ASXL1: variants seen among roughly 807,000 people sequenced by gnomAD.
The protein encoded by ASXL1 is ASXL transcriptional regulator 1, also known as polycomb group protein ASXL1.
ASXL1 carries 65 observed loss-of-function variants against 89.1 expected under a neutral mutation model. That is an observed-to-expected ratio of 0.73 (90% CI 0.60 to 0.90). ASXL1 has a LOEUF of 0.90. ASXL1 is among the 40% of genes least tolerant of loss of function. The pLI, the probability that ASXL1 is intolerant of heterozygous loss-of-function variation, is 0.00. For missense variants in ASXL1, 1,786 were observed against 1,942.9 expected, an observed-to-expected ratio of 0.92 and a Z score of 1.52; for synonymous variants, 739 against 746.9, an observed-to-expected ratio of 0.99 and a Z score of 0.17.
chr20:32,378,480 C>T (rs1325881946), intron 4 of ASXL1, among the ~76,000 whole-genome samples: 2 of 152,144 alleles, frequency 1.3e-5, no homozygotes, highest in African/African-American at 4.8e-5. Context: ...TTTACAGATG[C>T]TTGCATCAGT....
Position 32,429,995 on chromosome 20 carries a change from G to T in ASXL1, c.660G>T (p.Gln220His). Residue 220 changes from glutamine (Q) to histidine (H), a missense_variant, in exon 8 of 13, where the codon CAG becomes CAT. Around this residue, in one of 3 missense-constraint regions of ASXL1, gnomAD observed 332 missense variants for 449.7 expected, o/e 0.74. Transcript: ENST00000375687. This position sits in a 1 kb window ranked among gnomAD's most constrained non-coding sequence, Gnocchi z 4.9. ...TGGGCAGCGCTGCTATTCGTGGCCAGGCCGAGGTCACCCAGGACCCTGCCC... is the reference window on the plus strand; with the variant it reads ...TGGGCAGCGCTGCTATTCGTGGCCATGCCGAGGTCACCCAGGACCCTGCCC... ...LALGSAAIRG[Q>H]AEVTQDPAPL... 1 of 1,608,652 alleles carries T rather than the reference G, an allele frequency of 6.2e-7. No homozygotes were observed. Among genetic ancestry groups the T allele is most frequent in the Non-Finnish European group, 8.5e-7 (1 of 1,179,946 alleles).
intron 4 of ASXL1, among the ~76,000 whole-genome samples, chr20:32,411,757 C>T (rs1600544143): frequency 1.3e-5 from 2 of 152,052 alleles, no homozygotes; most frequent in Middle Eastern, 3.4e-3. Flanking sequence ...AGGCTGGTCT[C>T]GAACTCCTGA....
rs2012076564 is a variant in ASXL1 at position 32,439,026 on chromosome 20, A to T, written c.*1688A>T. ...ATTTTATCTGAAAGGTTTTTTTCTC[A>T]TTTAATCTGATGTGGCATTTTCGTC... is the stretch of plus-strand genomic sequence containing the variant. On this transcript the variant is annotated 3_prime_UTR_variant, in exon 13 of 13. Transcript: ENST00000375687. 1 of 233,496 alleles carries T rather than the reference A, an allele frequency of 4.3e-6. No individual in the cohort carries two copies. Among genetic ancestry groups the T allele is most frequent in the African/African-American group, 2.2e-5 (1 of 45,338 alleles). The allele number at this position is 233,496 out of a possible 1,614,324, so 14.5% of individuals were successfully genotyped here.
At chr20:32,426,836 G>C (rs1406536063) in intron 4 of ASXL1, among the ~76,000 whole-genome samples, 1 of 152,012 alleles carries the variant, frequency 6.6e-6, no homozygotes, top group African/African-American at 2.4e-5. Context: ...GGGATTACAG[G>C]TGTGAGTGAG....
intron 1 of ASXL1, among the ~76,000 whole-genome samples, chr20:32,363,943 T>C (rs978877340): frequency 6.6e-5 from 10 of 152,230 alleles, no homozygotes; most frequent in African/African-American, 2.4e-4. Flanking sequence ...GGGTTCCATA[T>C]GCCAGGCCAG....
chr20:32,397,062 C>T (rs1354931026), intron 4 of ASXL1, among the ~76,000 whole-genome samples: 2 of 147,936 alleles, frequency 1.4e-5, no homozygotes, highest in African/African-American at 2.5e-5. Flanking sequence ...TTCTTTTTCC[C>T]GAGATGAAGT....
chr20:32,437,458 TTCCCCC>T lies in ASXL1; in HGVS notation c.*121_*126del. 6.8e-7 allele frequency: 1 copy of T among 1,478,698 alleles called. No individual in the cohort carries two copies. The highest frequency in any genetic ancestry group is 9.3e-7 in the Non-Finnish European group (1 of 1,070,540). The allele number at this position is 1,478,698 out of a possible 1,614,324, so 91.6% of individuals were successfully genotyped here. A position where few individuals can be genotyped will look rare whatever the true frequency, so the allele number is the denominator to read the frequency against. ...CTCTTTAGGCAGGAGCACTCTTGCC[TTCCCCC>T]AAAATTTACACTGCTAAAGCCCTCT... On this transcript the variant is annotated 3_prime_UTR_variant, in exon 13 of 13. Coordinates refer to ENST00000375687, the MANE Select transcript of ASXL1 (RefSeq NM_015338.6).
chr20:32,422,694 C>T (rs1334435652), intron 4 of ASXL1, among the ~76,000 whole-genome samples: 2 of 146,042 alleles, frequency 1.4e-5, no homozygotes, highest in African/African-American at 5.1e-5. Flanking sequence ...TCAAGTGATT[C>T]TTGTGCCTCA....
At chr20:32,372,717 C>G (rs1383794699) in intron 4 of ASXL1, among the ~76,000 whole-genome samples, 1 of 151,882 alleles carries the variant, frequency 6.6e-6, no homozygotes, top group Non-Finnish European at 1.5e-5. Flanking sequence ...GCCTCAGCCT[C>G]CCGAGTAGCT....
chr20:32,430,116 A>G, intron 8 of ASXL1, 63 bp downstream of exon 8: 8 of 1,553,226 alleles, frequency 5.2e-6, no homozygotes, highest in Non-Finnish European at 6.9e-6. Flanking sequence ...TAGTGAGAAG[A>G]TGATGTCTTC....
rs1485360246 is a variant in ASXL1, at chr20:32,359,180, A to G, written c.57+348A>G. 1.6e-5 allele frequency: 11 copies of G among 689,118 alleles called. 1 individual carries two copies. Among genetic ancestry groups the G allele is most frequent in the East Asian group, 2.7e-5 (1 of 37,188 alleles). The allele number at this position is 689,118 out of a possible 1,614,324, so 42.7% of individuals were successfully genotyped here. On this transcript the variant is annotated intron_variant, in intron 1 of 12. Coordinates refer to ENST00000375687, the MANE Select transcript of ASXL1 (RefSeq NM_015338.6). ...CTGGGGGTCTGGGGCAGCTTCGTTC[A>G]TTCACCCGGGGGAGTTGGGTTTCCG...
rs752413007 is a variant in ASXL1 at position 32,433,727 on chromosome 20, T to C, written c.1529T>C (p.Leu510Pro). 13 of 1,613,472 alleles carry C rather than the reference T, an allele frequency of 8.1e-6. No individual in the cohort carries two copies. The East Asian group carries it at 2.9e-4, about 36-fold the overall frequency. The change falls in exon 12 of 13, where the codon CTG becomes CCG. Residue 510 changes from leucine to proline, a missense_variant. Physicochemically the swap from Leu to Pro is moderately conservative, Grantham distance 98. Transcript: ENST00000375687. ...ASASPDRIPS[L>P]PQETVDQEPK... ...GCATCTCCAGACAGAATTCCTAGCC[T>C]GCCTCAGGAAACTGTGGATCAGGAA... is the stretch of plus-strand genomic sequence containing the variant.
intron 4 of ASXL1, among the ~76,000 whole-genome samples, chr20:32,426,550 C>CTTTCTT (rs1600570196): frequency 9.6e-5 from 8 of 83,100 alleles, no homozygotes; most frequent in Admixed American, 8.3e-4. Context: ...TCTTTTTTTT[C>CTTTCTT]TTTCTTTTTT....
chr20:32,432,971 C>T lies in ASXL1; in HGVS notation c.1071C>T (p.Asp357=), dbSNP rs766400623. The part of the protein sequence containing the change: ...VEQWKEKFFE[D]YYGQKLGLTK... ...AATGGAAAGAAAAGTTCTTTGAAGA[C>T]TACTATGGACAGAAGTAAGGCAGTT... The change falls in exon 11 of 13, where the codon GAC becomes GAT. Residue 357 remains aspartate (D), a synonymous_variant. Coordinates refer to ENST00000375687, the MANE Select transcript of ASXL1 (RefSeq NM_015338.6). The T allele has an allele frequency of 1.2e-6, 2 of 1,613,728 alleles. No individual in the cohort carries two copies. The highest frequency in any genetic ancestry group is 2.7e-5 in the African/African-American group (2 of 74,898).
At chr20:32,407,356 A>T (rs1306532394) in intron 4 of ASXL1, among the ~76,000 whole-genome samples, 2 of 152,090 alleles carry the variant, frequency 1.3e-5, no homozygotes, top group African/African-American at 4.8e-5. Flanking sequence ...GGGGAAAAAA[A>T]AGAATTGAAA....
chr20:32,361,585 C>A (rs2048111236), intron 1 of ASXL1, among the ~76,000 whole-genome samples: 1 of 65,276 alleles, frequency 1.5e-5, no homozygotes, highest in African/African-American at 4.9e-5. Context: ...TTGCAGAGAG[C>A]CAAGGCCATG....
chr20:32,363,098 C>T (rs2048148489), intron 1 of ASXL1, among the ~76,000 whole-genome samples: 1 of 151,970 alleles, frequency 6.6e-6, no homozygotes, highest in East Asian at 1.9e-4. Flanking sequence ...CTGACTTGTT[C>T]TTATACCAAG....
At chr20:32,364,210 CTATTAT>C (rs777091746) in intron 1 of ASXL1, among the ~76,000 whole-genome samples, 1 of 151,996 alleles carries the variant, frequency 6.6e-6, no homozygotes, top group Non-Finnish European at 1.5e-5. Context: ...TATTTGCTTT[CTATTAT>C]TATTATTACT....
intron 4 of ASXL1, among the ~76,000 whole-genome samples, chr20:32,374,952 A>G (rs1358813572): frequency 2.0e-5 from 3 of 152,216 alleles, no homozygotes; most frequent in Non-Finnish European, 4.4e-5. Flanking sequence ...ATTACTTAGA[A>G]TATCCAAAAG....
Sources: gnomAD v4.1 joint callset for allele counts (sites outside exome capture counted in the v4.1 genomes callset) on GRCh38, gnomAD v4.1.1 for gene constraint, gnomAD v4.1.1 regional missense constraint, Gnocchi (gnomAD v3.1) non-coding constraint, MANE v1.5 for transcripts, NCBI Gene and HGNC (gene_info 2026-07-23, HGNC 2026-07-21) for gene names.